Variants in VTI1A observed in about 807,000 individuals in gnomAD.
VTI1A encodes the protein vesicle transport through interaction with t-SNAREs 1A, also known as vesicle transport through interaction with t-SNAREs homolog 1A.
Under a neutral mutation model 34.9 loss-of-function variants are expected in VTI1A, and 22 were observed. The ratio of observed to expected loss-of-function variants is 0.63; its 90% CI spans 0.45 to 0.90. The LOEUF is 0.90. Ranked by LOEUF, VTI1A falls within the 40% of genes least tolerant of loss-of-function variation. The probability of loss-of-function intolerance (pLI) is 0.00; values close to 1 mark genes in which losing one functional copy is unlikely to be tolerated. For synonymous variants in VTI1A, 87 were observed against 97.3 expected (o/e 0.89, Z 0.62); for missense variants, 268 against 275.6 (o/e 0.97, Z 0.20).
chr10:112,820,177 A>G (rs574580175), downstream of VTI1A, among the ~76,000 whole-genome samples: 5 of 152,328 alleles, frequency 3.3e-5, no homozygotes, highest in African/African-American at 1.2e-4. Context: ...CTCCATTTCA[A>G]TCCAGGATAA....
chr10:112,447,421 T>G lies in VTI1A; in HGVS notation c.48T>G (p.Thr16=). 6.2e-7 allele frequency: 1 copy of G among 1,613,662 alleles called. No homozygotes were observed. The highest frequency in any genetic ancestry group is 8.5e-7 in the Non-Finnish European group (1 of 1,179,996). ...ACGAGCAGGACTTCGCGGTGCTCACTGCAGAGATCACCAGCAAGATTGCGA... is the reference window on the plus strand; with the variant it reads ...ACGAGCAGGACTTCGCGGTGCTCACGGCAGAGATCACCAGCAAGATTGCGA... ...EGYEQDFAVL[T]AEITSKIARV... Residue 16 remains threonine, a synonymous_variant, in exon 1 of 8, where the codon ACT becomes ACG. Transcript: ENST00000393077.
chr10:112,725,736 A>G (rs1849997093), intron 7 of VTI1A, among the ~76,000 whole-genome samples: 1 of 152,224 alleles, frequency 6.6e-6, no homozygotes, highest in African/African-American at 2.4e-5. Flanking sequence ...TGTTTATTAA[A>G]TAGTTTTCAG....
chr10:112,742,702 T>TC, intron 7 of VTI1A, among the ~76,000 whole-genome samples: 1 of 152,344 alleles, frequency 6.6e-6, no homozygotes, highest in South Asian at 2.1e-4. Flanking sequence ...AAAAGATTTC[T>TC]AGTTGGCATC....
chr10:112,753,761 A>G (rs1479825323), intron 7 of VTI1A, among the ~76,000 whole-genome samples: 1 of 152,204 alleles, frequency 6.6e-6, no homozygotes, highest in East Asian at 1.9e-4. Flanking sequence ...ATTCATATGA[A>G]AAGAATTTGA....
chr10:112,710,174 G>A (rs905515200), intron 7 of VTI1A, among the ~76,000 whole-genome samples: 2 of 148,826 alleles, frequency 1.3e-5, no homozygotes, highest in Non-Finnish European at 3.0e-5. Flanking sequence ...TTAAACCTCT[G>A]ATTTGAATCC....
intron 5 of VTI1A, among the ~76,000 whole-genome samples, chr10:112,588,083 C>T (rs1347357580): frequency 6.6e-6 from 1 of 152,080 alleles, no homozygotes; most frequent in Admixed American, 6.6e-5. Context: ...CCTGATGGGG[C>T]TTTTAAAGGA....
intron 5 of VTI1A, among the ~76,000 whole-genome samples, chr10:112,556,811 A>T (rs1203951628): frequency 6.6e-6 from 1 of 152,058 alleles, no homozygotes; most frequent in African/African-American, 2.4e-5. Flanking sequence ...GCCTGTAGAA[A>T]TAAACCTTCT....
intron 3 of VTI1A, among the ~76,000 whole-genome samples, chr10:112,513,340 T>A (rs1215327553): frequency 3.3e-5 from 5 of 152,084 alleles, no homozygotes; most frequent in Non-Finnish European, 7.4e-5. Context: ...TTGTATTAGC[T>A]TGTTATTAGT....
intron 7 of VTI1A, among the ~76,000 whole-genome samples, chr10:112,777,592 A>G (rs1564921419): frequency 6.6e-6 from 1 of 152,230 alleles, no homozygotes; most frequent in Non-Finnish European, 1.5e-5. Flanking sequence ...TGGTAGAGAT[A>G]TCTTCCTCAG....
chr10:112,492,589 C>T (rs2134128961), intron 3 of VTI1A, among the ~76,000 whole-genome samples: 1 of 152,050 alleles, frequency 6.6e-6, no homozygotes, highest in African/African-American at 2.4e-5. Context: ...AGATTGAGAC[C>T]ATCCTGGCCA....
At chr10:112,472,687 A>G (rs1324616378) in intron 3 of VTI1A, among the ~76,000 whole-genome samples, 3 of 151,918 alleles carry the variant, frequency 2.0e-5, no homozygotes, top group Non-Finnish European at 4.4e-5. Context: ...TTTTACTTCT[A>G]TTTCTGTGGA....
chr10:112,599,162 A>G (rs898976286), intron 5 of VTI1A, among the ~76,000 whole-genome samples: 3 of 152,188 alleles, frequency 2.0e-5, no homozygotes, highest in Non-Finnish European at 4.4e-5. Flanking sequence ...TGGAAAGCCA[A>G]TGTTTGAAAC....
intron 7 of VTI1A, among the ~76,000 whole-genome samples, chr10:112,783,581 C>T (rs934784256): frequency 2.6e-5 from 4 of 152,218 alleles, no homozygotes; most frequent in Non-Finnish European, 4.4e-5. Flanking sequence ...TGCATAGTTG[C>T]CGTGGCCTTT....
chr10:112,642,132 A>G (rs148287959), intron 5 of VTI1A, among the ~76,000 whole-genome samples: 59 of 152,282 alleles, frequency 3.9e-4, no homozygotes, highest in African/African-American at 1.4e-3. Flanking sequence ...ATAAACTTCA[A>G]ATATTCCAGA....
Position 112,548,331 on chromosome 10 carries a change from A to C in VTI1A, c.427+10001A>C, listed in dbSNP as rs1378499227. On this transcript the variant is annotated intron_variant, in intron 5 of 7. Coordinates refer to ENST00000393077, the MANE Select transcript of VTI1A (RefSeq NM_145206.4). ...TTTTTTTTTCTCATTAAATTTTTTT[A>C]ATGGGTCTCAAAATTCTGTGACAGA... Among the ~76,000 whole-genome samples, 5 of 152,238 alleles carry C rather than the reference A, an allele frequency of 3.3e-5. No individual in the cohort carries two copies. In the East Asian group the frequency reaches 9.6e-4, roughly 29 times the overall value.
chr10:112,594,433 C>T (rs897057671), intron 5 of VTI1A, among the ~76,000 whole-genome samples: 12 of 152,074 alleles, frequency 7.9e-5, no homozygotes, highest in Non-Finnish European at 1.0e-4. Context: ...AGCCCAAAAT[C>T]TCCTTAAGCT....
At chr10:112,540,124 G>A (rs1850808611) in intron 5 of VTI1A, among the ~76,000 whole-genome samples, 1 of 152,120 alleles carries the variant, frequency 6.6e-6, no homozygotes, top group African/African-American at 2.4e-5. Context: ...CTACATACTT[G>A]TGTGTCTTTT....
chr10:112,618,522 T>TAGAGAGAGAGAGAGAGAGAGAGAG (rs1350356577), intron 5 of VTI1A, among the ~76,000 whole-genome samples: 20 of 43,674 alleles, frequency 4.6e-4, no homozygotes, highest in East Asian at 2.0e-3. Context: ...TATATATATA[T>TAGAGAGAGAGAGAGAGAGAGAGAG]ATAGAGAGAG....
At chr10:112,489,982 T>C (rs1488434397) in intron 3 of VTI1A, among the ~76,000 whole-genome samples, 2 of 152,200 alleles carry the variant, frequency 1.3e-5, no homozygotes, top group East Asian at 3.8e-4. Context: ...CATTCTAACG[T>C]CAAATAAAAG....
Sources: gnomAD v4.1 joint callset for allele counts (sites outside exome capture counted in the v4.1 genomes callset) on GRCh38, gnomAD v4.1.1 for gene constraint, MANE v1.5 for transcripts, NCBI Gene and HGNC (gene_info 2026-07-23, HGNC 2026-07-21) for gene names.